The following KCNJ3 variants were observed in gnomAD, a reference collection of about 807,000 sequenced individuals.
KCNJ3 encodes G protein-activated inward rectifier potassium channel 1.
KCNJ3 carries 4 observed loss-of-function variants against 39.2 expected under a neutral mutation model. The ratio of observed to expected loss-of-function variants is 0.10; its 90% CI spans 0.05 to 0.23. The LOEUF (loss-of-function observed/expected upper bound fraction) is 0.23. Ranked by LOEUF, KCNJ3 falls within the 10% of genes least tolerant of loss-of-function variation. The pLI is 1.00. For missense variants in KCNJ3, 276 were observed against 634.9 expected (o/e 0.43, Z 6.08); for synonymous variants, 230 against 237.4 (o/e 0.97, Z 0.29).
At chr2:154,823,978 T>C (rs528980803) in intron 2 of KCNJ3, among the ~76,000 whole-genome samples, 3 of 152,286 alleles carry the variant, frequency 2.0e-5, no homozygotes, top group South Asian at 2.1e-4. Flanking sequence ...TATTGGTGTA[T>C]AGAGTTTTGT....
At chr2:154,803,207 C>T (rs1299229614) in intron 2 of KCNJ3, among the ~76,000 whole-genome samples, 1 of 151,710 alleles carries the variant, frequency 6.6e-6, no homozygotes, top group Non-Finnish European at 1.5e-5. Context: ...TTTTCATATT[C>T]AGAGAATGTA....
intron 2 of KCNJ3, among the ~76,000 whole-genome samples, chr2:154,808,407 T>C (rs1184894387): frequency 6.6e-6 from 1 of 152,048 alleles, no homozygotes; most frequent in African/African-American, 2.4e-5. Context: ...ATAAAATGTG[T>C]TGAGGTGGAT....
At chr2:154,734,656 A>G (rs540440293) in intron 2 of KCNJ3, among the ~76,000 whole-genome samples, 3 of 152,302 alleles carry the variant, frequency 2.0e-5, no homozygotes, top group Admixed American at 1.3e-4. Flanking sequence ...TCTCATGCCT[A>G]CTGTTCTGTC....
intron 2 of KCNJ3, among the ~76,000 whole-genome samples, chr2:154,744,995 T>A (rs1442934062): frequency 6.6e-6 from 1 of 151,952 alleles, no homozygotes; most frequent in Non-Finnish European, 1.5e-5. Context: ...CACGGACTAT[T>A]TAGAAGTATG....
chr2:154,772,773 T>G (rs1237812572), intron 2 of KCNJ3, among the ~76,000 whole-genome samples: 1 of 152,014 alleles, frequency 6.6e-6, no homozygotes, highest in East Asian at 1.9e-4. Context: ...CCATTTCTTG[T>G]AAACCTAATT....
Position 154,698,907 on chromosome 2 carries a change from G to A in KCNJ3, c.132G>A (p.Gln44=). Residue 44 remains glutamine, a synonymous_variant, in exon 1 of 3, where the codon CAG becomes CAA. Transcript: ENST00000295101. ...QQQLVPKKKR[Q]RFVDKNGRCN... ...AGCTTGTGCCCAAGAAGAAGCGGCA[G>A]CGGTTCGTGGACAAGAACGGCCGGT... 6.2e-7 allele frequency: 1 copy of A among 1,614,188 alleles called. No individual in the cohort carries two copies. Among genetic ancestry groups the A allele is most frequent in the East Asian group, 2.2e-5 (1 of 44,838 alleles).
At chr2:154,803,765 T>C (rs1248151843) in intron 2 of KCNJ3, among the ~76,000 whole-genome samples, 1 of 152,032 alleles carries the variant, frequency 6.6e-6, no homozygotes, top group East Asian at 1.9e-4. Context: ...AAAAATATAT[T>C]GTGGTATGGA....
intron 2 of KCNJ3, among the ~76,000 whole-genome samples, chr2:154,751,107 C>T (rs112658102): frequency 0.026 from 3,944 of 151,894 alleles, 153 homozygotes; most frequent in African/African-American, 0.09. Flanking sequence ...AGAACTTACT[C>T]ATGTAACCAA....
intron 2 of KCNJ3, among the ~76,000 whole-genome samples, chr2:154,767,367 G>A (rs909760335): frequency 2.0e-5 from 3 of 151,786 alleles, no homozygotes; most frequent in African/African-American, 7.3e-5. Flanking sequence ...CCTGGTGTGC[G>A]ATGTTCCCCA....
chr2:154,815,666 A>C (rs1687072717), intron 2 of KCNJ3, among the ~76,000 whole-genome samples: 1 of 152,158 alleles, frequency 6.6e-6, no homozygotes, highest in Admixed American at 6.6e-5. Context: ...TCTTCCTTGT[A>C]TATTATATGT....
intron 2 of KCNJ3, among the ~76,000 whole-genome samples, chr2:154,758,424 T>C (rs999202451): frequency 2.6e-5 from 4 of 152,220 alleles, no homozygotes; most frequent in Admixed American, 6.5e-5. Flanking sequence ...TAAAATTATG[T>C]AGTATTTGCA....
At chr2:154,777,187 G>A (rs1376855787) in intron 2 of KCNJ3, among the ~76,000 whole-genome samples, 1 of 151,996 alleles carries the variant, frequency 6.6e-6, no homozygotes, top group Non-Finnish European at 1.5e-5. Context: ...CTGTAACTAG[G>A]GTCTTTTCAA....
chr2:154,823,564 C>T (rs1687219383), intron 2 of KCNJ3, among the ~76,000 whole-genome samples: 1 of 152,234 alleles, frequency 6.6e-6, no homozygotes, highest in Non-Finnish European at 1.5e-5. Context: ...AATGTAAACT[C>T]CTTCTCTGCT....
intron 2 of KCNJ3, among the ~76,000 whole-genome samples, chr2:154,781,742 A>G (rs79751894): frequency 3.3e-5 from 5 of 152,232 alleles, no homozygotes; most frequent in African/African-American, 7.2e-5. Context: ...TGCCCGAACC[A>G]TTTAATAATT....
chr2:154,702,894 A>G (rs1235087249), intron 1 of KCNJ3, among the ~76,000 whole-genome samples: 1 of 151,740 alleles, frequency 6.6e-6, no homozygotes. Context: ...TTTTTGTTTT[A>G]CCCAGAAAAT....
At chr2:154,797,638 CTATA>C (rs991435610) in intron 2 of KCNJ3, among the ~76,000 whole-genome samples, 16 of 151,932 alleles carry the variant, frequency 1.1e-4, no homozygotes, top group African/African-American at 3.9e-4. Flanking sequence ...AACATAATCA[CTATA>C]TATAAATATA....
chr2:154,729,888 CTG>C (rs1247922090), intron 2 of KCNJ3, among the ~76,000 whole-genome samples: 5 of 152,022 alleles, frequency 3.3e-5, no homozygotes, highest in Non-Finnish European at 7.4e-5. Context: ...GCTTAAATAG[CTG>C]AGTGTTTATT....
intron 2 of KCNJ3, among the ~76,000 whole-genome samples, chr2:154,845,977 A>AG (rs986201183): frequency 6.6e-5 from 10 of 151,928 alleles, no homozygotes; most frequent in African/African-American, 1.5e-4. Flanking sequence ...CTCAGAAAAA[A>AG]AAAAAAGGAA....
rs116292336 is a variant in KCNJ3, at chr2:154,736,659, T to C, written c.919+26840T>C. ...ACAGACTCTTATCTTTAAAAGTATA[T>C]ATATGAAAGAAAAACAAATCCAAAA... is the stretch of plus-strand genomic sequence containing the variant. On this transcript the variant is annotated intron_variant, in intron 2 of 2. Coordinates refer to ENST00000295101, the MANE Select transcript of KCNJ3 (RefSeq NM_002239.4). Among the ~76,000 whole-genome samples the C allele has an allele frequency of 2.9e-3, 439 of 152,158 alleles. 5 individuals are homozygous for C. Among genetic ancestry groups the C allele is most frequent in the African/African-American group, 0.01 (421 of 41,508 alleles).
Sources: gnomAD v4.1 joint callset for allele counts (sites outside exome capture counted in the v4.1 genomes callset) on GRCh38, gnomAD v4.1.1 for gene constraint, MANE v1.5 for transcripts, NCBI Gene and HGNC (gene_info 2026-07-23, HGNC 2026-07-21) for gene names.